Variants in ZMYM3 observed in about 807,000 individuals in gnomAD.
The protein encoded by ZMYM3 is zinc finger MYM-type containing 3.
ZMYM3 carries 6 observed loss-of-function variants against 94.2 expected under a neutral mutation model. That is an observed-to-expected ratio of 0.06 (90% CI 0.03 to 0.13). The LOEUF is 0.13. Ranked by LOEUF, ZMYM3 falls within the 10% of genes least tolerant of loss-of-function variation. The pLI, the probability that ZMYM3 is intolerant of heterozygous loss-of-function variation, is 1.00. For missense variants in ZMYM3, 664 were observed against 1,132.6 expected, an observed-to-expected ratio of 0.59 and a Z score of 5.94; for synonymous variants, 420 against 426.5, an observed-to-expected ratio of 0.98 and a Z score of 0.19.
At chrX:71,242,946 G>T in intron 22 of ZMYM3, 24 bp downstream of exon 22, 1 of 1,168,843 alleles carries the variant, frequency 8.6e-7, no homozygotes, top group Non-Finnish European at 1.2e-6. Flanking sequence ...AGCGGGTAGG[G>T]GTTGCTACGT....
Position 71,250,412 on chromosome X carries a change from C to T in ZMYM3, c.1073+20G>A, listed in dbSNP as rs2147990480. ...GCCCAGATCCCTGCCCTCTGCATAGCCCCCAAGACCCTCACGCACTTCTTG... is the reference window on the plus strand; with the variant it reads ...GCCCAGATCCCTGCCCTCTGCATAGTCCCCAAGACCCTCACGCACTTCTTG... On this transcript the variant is annotated intron_variant, in intron 5 of 24. Coordinates refer to ENST00000314425, the MANE Select transcript of ZMYM3 (RefSeq NM_201599.3). 3 of 1,187,869 alleles carry T rather than the reference C, an allele frequency of 2.5e-6. No homozygotes were observed. Among genetic ancestry groups the T allele is most frequent in the South Asian group, 3.8e-5 (2 of 52,747 alleles).
intron 23 of ZMYM3, 144 bp downstream of exon 23, chrX:71,242,026 C>G: frequency 7.1e-6 from 6 of 850,700 alleles, no homozygotes; most frequent in Non-Finnish European, 9.5e-6. Flanking sequence ...CTGGCTGTTT[C>G]TACCCTTTCT....
At position 71,248,254 on chromosome X, in the gene ZMYM3, C is replaced by T; in HGVS notation, c.1883G>A (p.Gly628Asp). The T allele has an allele frequency of 8.3e-7, 1 of 1,209,064 alleles. No homozygotes were observed. The highest frequency in any genetic ancestry group is 1.1e-6 in the Non-Finnish European group (1 of 894,019). ...ACAGTGCTCACACTGGGACACCACA[C>T]CCCGAAGCCGCTTGAAGTCCTCACA... is the stretch of plus-strand genomic sequence containing the variant. ...DCCEDFKRLR[G>D]VVSQCEHCRQ... is the part of the protein sequence containing the mutation. Residue 628 changes from glycine (G) to aspartate (D), a missense_variant, in exon 11 of 25, where the codon GGT (glycine) becomes GAT (aspartate). Gly to Asp is a moderately conservative substitution (Grantham distance 94, BLOSUM62 -1). Coordinates refer to ENST00000314425, the MANE Select transcript of ZMYM3 (RefSeq NM_201599.3).
Position 71,240,859 on chromosome X carries a change from G to A in ZMYM3, c.*57C>T, listed in dbSNP as rs1412475897. The A allele has an allele frequency of 1.2e-5, 14 of 1,151,127 alleles. No homozygotes were observed. Among genetic ancestry groups the A allele is most frequent in the Non-Finnish European group, 1.6e-5 (14 of 849,739 alleles). The allele number at this position is 1,151,127 out of a possible 1,213,427, so 94.9% of individuals were successfully genotyped here. On this transcript the variant is annotated 3_prime_UTR_variant, in exon 25 of 25. Transcript: ENST00000314425. ...TGGTTCCTGGGCCTGTCACCCTGAG[G>A]GACATGGCCACAGGACAGACATTGA... is the stretch of plus-strand genomic sequence containing the variant.
At chrX:71,251,516 G>A in intron 3 of ZMYM3, 42 bp downstream of exon 3, 2 of 1,168,102 alleles carry the variant, frequency 1.7e-6, no homozygotes, top group African/African-American at 1.8e-5. Context: ...CCTTCCCAGA[G>A]CTAAGGGGGA....
At position 71,250,649 on chromosome X, in the gene ZMYM3, G is replaced by A. The variant is rs769324856; in HGVS notation, c.856C>T (p.Arg286Cys). ...GAGCGTAGGGACATGCGAGGAGAGC[G>A]CCGGGGCCGGAATGGCACAAAGTCC... The part of the protein sequence containing the change: ...DEDFVPFRPR[R>C]SPRMSLRSSV... Residue 286 changes from arginine to cysteine, a missense_variant, in exon 5 of 25, where the codon CGC becomes TGC. Physicochemically the swap from Arg to Cys is radical, Grantham distance 180. Coordinates refer to ENST00000314425, the MANE Select transcript of ZMYM3 (RefSeq NM_201599.3). 1.7e-6 allele frequency: 2 copies of A among 1,207,777 alleles called. No homozygotes were observed. Among genetic ancestry groups the A allele is most frequent in the Non-Finnish European group, 2.2e-6 (2 of 893,962 alleles).
chrX:71,251,276 A>C lies in ZMYM3; in HGVS notation c.712-32T>G, dbSNP rs772028856. 4 of 1,043,058 alleles carry C rather than the reference A, an allele frequency of 3.8e-6. No homozygotes were observed. In the Admixed American group the frequency reaches 9.9e-5, roughly 26 times the overall value. 86.0% of individuals were successfully genotyped at this position (1,043,058 alleles called of 1,213,427 possible). A position where few individuals can be genotyped will look rare whatever the true frequency, so the allele number is the denominator to read the frequency against. The stretch of plus-strand genomic sequence containing the variant: ...CTCGGAAAGATGGGAGGGGAGGAAA[A>C]CTGACACCCTGGCCAGGCTAACACT... On this transcript the variant is annotated intron_variant, in intron 3 of 24. Coordinates refer to ENST00000314425, the MANE Select transcript of ZMYM3 (RefSeq NM_201599.3).
chrX:71,245,928 A>T (rs2030150288), intron 16 of ZMYM3, 58 bp downstream of exon 16: 10 of 1,179,806 alleles, frequency 8.5e-6, no homozygotes, highest in Non-Finnish European at 1.0e-5. Context: ...GTGAAGGGGG[A>T]CAGTTGATGA....
intron 6 of ZMYM3, 43 bp downstream of exon 6, chrX:71,249,983 G>C: frequency 2.6e-6 from 3 of 1,140,034 alleles, no homozygotes; most frequent in Non-Finnish European, 3.5e-6. Context: ...GCAGGTCAGG[G>C]CTGGCCAGGC....
At position 71,248,143 on chromosome X, in the gene ZMYM3, C is replaced by T; in HGVS notation, c.1975+19G>A. On this transcript the variant is annotated intron_variant, in intron 11 of 24. Coordinates refer to ENST00000314425, the MANE Select transcript of ZMYM3 (RefSeq NM_201599.3). The stretch of plus-strand genomic sequence containing the variant: ...TGGCTGGGAGTTATAGTGTCTTCTG[C>T]CCTTCCCCATCTCCTTACCTTCGCT... 8.3e-7 allele frequency: 1 copy of T among 1,209,157 alleles called. No homozygotes were observed. The highest frequency in any genetic ancestry group is 1.1e-6 in the Non-Finnish European group (1 of 894,286).
chrX:71,247,037 G>A (rs2030210278), intron 13 of ZMYM3, among the ~76,000 whole-genome samples: 1 of 111,223 alleles, frequency 9.0e-6, no homozygotes, highest in African/African-American at 3.3e-5. Context: ...TAGAGTTTAT[G>A]CTGAGATTTC....
chrX:71,245,633 C>T lies in ZMYM3; in HGVS notation c.2860+35G>A, dbSNP rs745462531. ...CTCGGGCAGAGACATGCTGGTAGCA[C>T]CCTGTCTCCCTCGTCGCCACCATCT... On this transcript the variant is annotated intron_variant, in intron 17 of 24. Coordinates refer to ENST00000314425, the MANE Select transcript of ZMYM3 (RefSeq NM_201599.3). 6.7e-6 allele frequency: 8 copies of T among 1,195,300 alleles called. No individual in the cohort carries two copies. In the South Asian group the frequency reaches 1.3e-4, roughly 19 times the overall value.
rs1389611198 is a variant in ZMYM3, at chrX:71,244,240, T to A, written c.3280+62A>T. On this transcript the variant is annotated intron_variant, in intron 20 of 24. Transcript: ENST00000314425. Reference sequence around the variant, plus strand: ...GCTGAATCACAGGCCCAGCCCCTTCTCCCCTTTCCCCTCCTCCTCCCTGTC... The same window carrying A: ...GCTGAATCACAGGCCCAGCCCCTTCACCCCTTTCCCCTCCTCCTCCCTGTC... 7 of 1,156,857 alleles carry A rather than the reference T, an allele frequency of 6.1e-6. No homozygotes were observed. In the East Asian group the frequency reaches 1.8e-4, roughly 30 times the overall value.
chrX:71,252,560 C>G, intron 2 of ZMYM3, 29 bp downstream of exon 2: 4 of 1,135,616 alleles, frequency 3.5e-6, no homozygotes, highest in Non-Finnish European at 4.7e-6. Flanking sequence ...TCTCCCAGCC[C>G]TGATTCTCCA....
chrX:71,241,877 C>T (rs749265626), intron 23 of ZMYM3, among the ~76,000 whole-genome samples: 1 of 112,080 alleles, frequency 8.9e-6, no homozygotes, highest in Non-Finnish European at 1.9e-5. Context: ...CAGCCAAACA[C>T]ACCCAATGGT....
upstream of ZMYM3, chrX:71,255,096 CT>C (rs2030696480): frequency 2.2e-5 from 1 of 45,813 alleles, no homozygotes; most frequent in Admixed American, 2.2e-4. Context: ...CTCTCTCTCT[CT>C]CTCTCTCTCT....
rs1339156358 is a variant in ZMYM3, at chrX:71,251,737, T to C, written c.668-136A>G. 4.7e-6 allele frequency: 5 copies of C among 1,059,393 alleles called. No homozygotes were observed. In the East Asian group the frequency reaches 1.8e-4, roughly 39 times the overall value. 87.3% of individuals were successfully genotyped at this position (1,059,393 alleles called of 1,213,427 possible). ...GAAAACTCGAGTGCCTGTGGCTTCT[T>C]GGGGCCCCTCTCAGGGTTACCTCAG... On this transcript the variant is annotated intron_variant, in intron 2 of 24. Transcript: ENST00000314425.
chrX:71,244,093 C>T, intron 20 of ZMYM3, 113 bp from the exon 21 acceptor site: 1 of 1,033,387 alleles, frequency 9.7e-7, no homozygotes, highest in Non-Finnish European at 1.3e-6. Flanking sequence ...AGCTCCTGAA[C>T]AATTACAGAA....
At chrX:71,250,757 G>C (rs759504636) in intron 4 of ZMYM3, 31 bp from the exon 5 acceptor site, 1 of 1,150,308 alleles carries the variant, frequency 8.7e-7, no homozygotes, top group African/African-American at 1.8e-5. Context: ...ACATGAGAAA[G>C]GCCACCAAAC....
Sources: allele counts gnomAD v4.1 joint callset (sites outside exome capture counted in the v4.1 genomes callset), GRCh38; gene constraint gnomAD v4.1.1; transcripts MANE v1.5; gene names NCBI Gene and HGNC (gene_info 2026-07-23, HGNC 2026-07-21).